The following ANO2 variants were observed in gnomAD, a reference collection of about 807,000 sequenced individuals.
The protein encoded by ANO2 is anoctamin-2.
ANO2 carries 101 observed loss-of-function variants against 124.2 expected under a neutral mutation model. That is an observed-to-expected ratio of 0.81 (90% CI 0.69 to 0.96). ANO2 has a LOEUF of 0.96. Ranked by LOEUF, ANO2 falls within the 40% of genes least tolerant of loss-of-function variation. ANO2 has a pLI of 0.00. For missense variants in ANO2, 1,293 were observed against 1,274.5 expected (o/e 1.01, Z -0.22); for synonymous variants, 486 against 482.5 (o/e 1.01, Z -0.09).
At chr12:5,854,716 A>C (rs1955045013) in intron 3 of ANO2, among the ~76,000 whole-genome samples, 1 of 152,274 alleles carries the variant, frequency 6.6e-6, no homozygotes, top group South Asian at 2.1e-4. Context: ...CAGGGCTCCT[A>C]TATGAATACA....
At chr12:5,747,114 G>A (rs1380655349) in intron 11 of ANO2, among the ~76,000 whole-genome samples, 3 of 152,174 alleles carry the variant, frequency 2.0e-5, no homozygotes, top group Admixed American at 1.3e-4. Flanking sequence ...ACGAAACCAC[G>A]GGAGGAAGCT....
intron 23 of ANO2, 75 bp from the exon 24 acceptor site, chr12:5,565,738 C>T (rs1017195122): frequency 4.1e-6 from 5 of 1,226,004 alleles, no homozygotes; most frequent in African/African-American, 3.1e-5. Context: ...GGTGAAACCT[C>T]GAGGGCTGGC....
At chr12:5,647,888 T>A in intron 14 of ANO2, 87 bp from the exon 15 acceptor site, 1 of 959,994 alleles carries the variant, frequency 1.0e-6, no homozygotes, top group Non-Finnish European at 1.6e-6. Context: ...TTGCATGCGA[T>A]TGATCATTAT....
chr12:5,645,478 A>G (rs1198230033), intron 15 of ANO2, among the ~76,000 whole-genome samples: 3 of 152,222 alleles, frequency 2.0e-5, no homozygotes, highest in African/African-American at 7.2e-5. Context: ...TACATGGCAT[A>G]TAAAAATCAT....
chr12:5,637,589 T>C (rs895847971), intron 15 of ANO2, among the ~76,000 whole-genome samples: 4 of 152,106 alleles, frequency 2.6e-5, no homozygotes, highest in East Asian at 3.9e-4. Flanking sequence ...GGAAGCTTGA[T>C]TGAAATGCGG....
At chr12:5,645,578 T>C (rs1178334885) in intron 15 of ANO2, among the ~76,000 whole-genome samples, 1 of 152,220 alleles carries the variant, frequency 6.6e-6, no homozygotes, top group Non-Finnish European at 1.5e-5. Flanking sequence ...ATCTGCTAGA[T>C]AATTTTCAAA....
At chr12:5,660,392 T>A (rs1947377356) in intron 14 of ANO2, among the ~76,000 whole-genome samples, 1 of 114,822 alleles carries the variant, frequency 8.7e-6, no homozygotes, top group African/African-American at 3.6e-5. Context: ...TTTTGTATAC[T>A]CCATCTCAGC....
chr12:5,905,030 C>G (rs1417035505), intron 3 of ANO2, among the ~76,000 whole-genome samples: 2 of 152,210 alleles, frequency 1.3e-5, no homozygotes, highest in Non-Finnish European at 2.9e-5. Context: ...TCCCCTTTCC[C>G]CATGCCAAGC....
chr12:5,735,140 C>T (rs1250724057), intron 13 of ANO2, among the ~76,000 whole-genome samples: 1 of 152,138 alleles, frequency 6.6e-6, no homozygotes, highest in Non-Finnish European at 1.5e-5. Context: ...CTGGCCAGAG[C>T]AGAATCCAGC....
chr12:5,665,552 G>T (rs1451874192), intron 14 of ANO2, among the ~76,000 whole-genome samples: 1 of 152,184 alleles, frequency 6.6e-6, no homozygotes, highest in Non-Finnish European at 1.5e-5. Flanking sequence ...TGCTCGGAGG[G>T]ATTTTATTTG....
chr12:5,921,102 G>A lies in ANO2; in HGVS notation c.472C>T (p.Gln158Ter), dbSNP rs1326954968. The A allele has an allele frequency of 6.2e-7, 1 of 1,613,826 alleles. No homozygotes were observed. Among genetic ancestry groups the A allele is most frequent in the Non-Finnish European group, 8.5e-7 (1 of 1,179,832 alleles). ...LDALEEERKE[Q>*]REEFEHNLME... ...AGATTGTGCTCAAATTCCTCCCGCT[G>A]CTCCTTCCTCTCCTCCTCCAGGGCA... Residue 158 changes from glutamine (Q) to a stop codon, truncating the protein, a stop_gained, in exon 3 of 25, where the codon CAG (glutamine) becomes TAG (stop). Coordinates refer to ENST00000682330, the MANE Select transcript of ANO2 (RefSeq NM_001364791.2). LOFTEE classifies it high-confidence loss of function.
intron 14 of ANO2, among the ~76,000 whole-genome samples, chr12:5,731,694 C>CT (rs1950643655): frequency 6.6e-6 from 1 of 152,022 alleles, no homozygotes; most frequent in East Asian, 1.9e-4. Context: ...CATACATACT[C>CT]TGAGTTTTTT....
In ANO2 at chr12:5,842,560, G is replaced by A. The variant is rs552503927; in HGVS notation, c.634-9957C>T. The stretch of plus-strand genomic sequence containing the variant: ...CCATCTCAGCATCACCCTCCAGCAC[G>A]CCACCACCACTGGGTGAGATCTGGT... On this transcript the variant is annotated intron_variant, in intron 4 of 24. Transcript: ENST00000682330. Among the ~76,000 whole-genome samples the A allele has an allele frequency of 4.6e-5, 7 of 152,196 alleles. No individual in the cohort carries two copies. The East Asian group carries it at 5.8e-4, about 13-fold the overall frequency.
intron 19 of ANO2, among the ~76,000 whole-genome samples, chr12:5,610,845 CACACACACACACACAA>C (rs1944501146): frequency 1.4e-5 from 2 of 145,576 alleles, no homozygotes; most frequent in South Asian, 2.2e-4. Context: ...CACACACACA[CACACACACACACACAA>C]CCCTAAGGGA....
intron 17 of ANO2, among the ~76,000 whole-genome samples, chr12:5,614,854 T>C (rs192696337): frequency 5.9e-5 from 9 of 152,288 alleles, no homozygotes; most frequent in African/African-American, 2.2e-4. Flanking sequence ...GGCATCAGAA[T>C]TGCATTACAA....
chr12:5,576,905 T>TTA (rs1704405891), intron 22 of ANO2, among the ~76,000 whole-genome samples: 1 of 152,360 alleles, frequency 6.6e-6, no homozygotes, highest in Admixed American at 6.5e-5. Flanking sequence ...TGGGCACTTG[T>TTA]TATATGTCCT....
chr12:5,696,529 T>A (rs1034492245), intron 14 of ANO2, among the ~76,000 whole-genome samples: 1 of 152,190 alleles, frequency 6.6e-6, no homozygotes, highest in African/African-American at 2.4e-5. Context: ...TTTTTTTAAA[T>A]GAGTTTTATC....
At chr12:5,649,924 C>T (rs1006480485) in intron 14 of ANO2, among the ~76,000 whole-genome samples, 5 of 152,174 alleles carry the variant, frequency 3.3e-5, no homozygotes, top group African/African-American at 1.2e-4. Context: ...GATGGGATTA[C>T]AGGTGTGAGC....
At chr12:5,914,489 G>T (rs1361313419) in intron 3 of ANO2, among the ~76,000 whole-genome samples, 1 of 152,160 alleles carries the variant, frequency 6.6e-6, no homozygotes, top group Non-Finnish European at 1.5e-5. Flanking sequence ...ACAGAGTAGG[G>T]CTCCACCTCC....
Sources: gnomAD v4.1 joint callset for allele counts (sites outside exome capture counted in the v4.1 genomes callset) on GRCh38, gnomAD v4.1.1 for gene constraint, MANE v1.5 for transcripts, NCBI Gene and HGNC (gene_info 2026-07-23, HGNC 2026-07-21) for gene names.